SGCZ: variants seen among roughly 807,000 people sequenced by gnomAD.
SGCZ encodes the protein sarcoglycan zeta, also known as zeta-sarcoglycan.
A neutral mutation model predicts 41.3 loss-of-function variants in SGCZ; 40 were observed. The ratio of observed to expected loss-of-function variants is 0.97; its 90% CI spans 0.75 to 1.26. The LOEUF (loss-of-function observed/expected upper bound fraction) is 1.26, where lower values mean the gene tolerates loss of function less well. SGCZ is among the 50% of genes most tolerant of loss of function. SGCZ has a pLI of 0.00. For synonymous variants in SGCZ, 206 were observed against 137.5 expected, an observed-to-expected ratio of 1.50 and a Z score of -3.49; for missense variants, 552 against 369.8, an observed-to-expected ratio of 1.49 and a Z score of -4.04.
intron 1 of SGCZ, among the ~76,000 whole-genome samples, chr8:15,042,674 A>T (rs962018714): frequency 6.6e-6 from 1 of 152,152 alleles, no homozygotes; most frequent in African/African-American, 2.4e-5. Context: ...AATAAACTAG[A>T]TATTTGCTGT....
chr8:14,224,359 G>C (rs138550122), intron 4 of SGCZ, among the ~76,000 whole-genome samples: 96 of 152,306 alleles, frequency 6.3e-4, no homozygotes, highest in African/African-American at 2.2e-3. Flanking sequence ...GATAAGATTA[G>C]TACCAGGTAC....
chr8:15,113,203 G>A (rs1218910658), intron 1 of SGCZ, among the ~76,000 whole-genome samples: 1 of 98,182 alleles, frequency 1.0e-5, no homozygotes, highest in African/African-American at 3.9e-5. Context: ...AGCGAGACCT[G>A]GCTCAAAAAA....
In SGCZ at chr8:14,089,676, C is replaced by T. The variant is rs1801626769; in HGVS notation, c.*767G>A. 1.3e-5 allele frequency among the ~76,000 whole-genome samples: 2 copies of T among 152,008 alleles called. No homozygotes were observed. Among genetic ancestry groups the T allele is most frequent in the Admixed American group, 1.3e-4 (2 of 15,218 alleles). ...GATGTTTTGTTAAAAGCAAATACGT[C>T]ACATGCAGTAGCCATGTAAATACTA... On this transcript the variant is annotated 3_prime_UTR_variant, in exon 8 of 8. Coordinates refer to ENST00000382080, the MANE Select transcript of SGCZ (RefSeq NM_139167.4).
At chr8:14,493,810 T>C (rs1039985115) in intron 2 of SGCZ, among the ~76,000 whole-genome samples, 1 of 152,140 alleles carries the variant, frequency 6.6e-6, no homozygotes, top group African/African-American at 2.4e-5. Flanking sequence ...GTAACTTTCC[T>C]CCGTAGTGGG....
In SGCZ at chr8:14,519,067, T is replaced by TAAAAAA. The variant is rs58653228; in HGVS notation, c.234+35659_234+35664dup. Among the ~76,000 whole-genome samples the TAAAAAA allele has an allele frequency of 5.0e-4, 57 of 113,584 alleles. 1 individual carries two copies. In the East Asian group the frequency reaches 9.2e-3, roughly 18 times the overall value. The allele number at this position is 113,584 out of a possible 152,430, so 74.5% of individuals were successfully genotyped here. A position where few individuals can be genotyped will look rare whatever the true frequency, so the allele number is the denominator to read the frequency against. ...CTGAGCAAGACAGTCAGACTCTGTC[T>TAAAAAA]AAAAAAAAAAAAAAAAAAGACAGAG... On this transcript the variant is annotated intron_variant, in intron 2 of 7. Coordinates refer to ENST00000382080, the MANE Select transcript of SGCZ (RefSeq NM_139167.4).
intron 3 of SGCZ, among the ~76,000 whole-genome samples, chr8:14,303,490 C>T (rs1017211130): frequency 1.3e-5 from 2 of 152,042 alleles, no homozygotes; most frequent in African/African-American, 4.8e-5. Context: ...GACTAGAAGT[C>T]CTAGGATAAA....
chr8:14,227,041 T>G (rs1806396908), intron 4 of SGCZ, among the ~76,000 whole-genome samples: 1 of 152,018 alleles, frequency 6.6e-6, no homozygotes, highest in Admixed American at 6.6e-5. Flanking sequence ...ATTTACTGAT[T>G]CAATTAGTAG....
At chr8:14,967,736 T>C (rs2130860199) in intron 1 of SGCZ, among the ~76,000 whole-genome samples, 1 of 152,256 alleles carries the variant, frequency 6.6e-6, no homozygotes, top group East Asian at 1.9e-4. Flanking sequence ...GAACCATGCC[T>C]GATTTTACTT....
chr8:14,441,446 G>A (rs929264821), intron 2 of SGCZ, among the ~76,000 whole-genome samples: 6 of 152,188 alleles, frequency 3.9e-5, no homozygotes, highest in Admixed American at 2.6e-4. Flanking sequence ...GTGGTGGCAC[G>A]CACGGGTAAT....
At chr8:14,785,534 C>G (rs2130450410) in intron 1 of SGCZ, among the ~76,000 whole-genome samples, 1 of 152,172 alleles carries the variant, frequency 6.6e-6, no homozygotes, top group Non-Finnish European at 1.5e-5. Context: ...TGAAACTTCC[C>G]TAATGCTTCA....
chr8:14,551,027 G>A (rs1404740941), intron 2 of SGCZ, among the ~76,000 whole-genome samples: 1 of 151,406 alleles, frequency 6.6e-6, no homozygotes, highest in African/African-American at 2.4e-5. Context: ...TATTACCCAG[G>A]TCTGGGTATT....
intron 1 of SGCZ, among the ~76,000 whole-genome samples, chr8:14,892,221 A>G (rs993813845): frequency 3.3e-5 from 5 of 152,166 alleles, no homozygotes; most frequent in African/African-American, 1.2e-4. Flanking sequence ...CCAATTACCA[A>G]ACACGCCCTA....
At chr8:14,856,944 G>T in intron 1 of SGCZ, among the ~76,000 whole-genome samples, 1 of 152,108 alleles carries the variant, frequency 6.6e-6, no homozygotes, top group East Asian at 1.9e-4. Flanking sequence ...CATATGGTTT[G>T]GATCCGTGTC....
intron 1 of SGCZ, among the ~76,000 whole-genome samples, chr8:14,823,044 A>G (rs1257606894): frequency 2.2e-5 from 3 of 134,728 alleles, no homozygotes; most frequent in African/African-American, 8.9e-5. Context: ...ATGAAGCCAC[A>G]CCAATCCTCA....
At position 14,723,705 on chromosome 8, in the gene SGCZ, T is replaced by C. The variant is rs187378412; in HGVS notation, c.40-168779A>G. Among the ~76,000 whole-genome samples, 131 of 152,218 alleles carry C rather than the reference T, an allele frequency of 8.6e-4. 2 individuals are homozygous for C. In the Middle Eastern group the frequency reaches 0.027, roughly 32 times the overall value. On this transcript the variant is annotated intron_variant, in intron 1 of 7. Transcript: ENST00000382080. Reference sequence around the variant, plus strand: ...ATATGTCTGTGTCTATGCATATATATGCATACATATGTCTATATAGTGCAT... The same window carrying C: ...ATATGTCTGTGTCTATGCATATATACGCATACATATGTCTATATAGTGCAT...
At chr8:14,735,606 C>G (rs1799005772) in intron 1 of SGCZ, among the ~76,000 whole-genome samples, 1 of 152,292 alleles carries the variant, frequency 6.6e-6, no homozygotes, top group Non-Finnish European at 1.5e-5. Context: ...GCCTGAGCCA[C>G]TAATGGCCTC....
At chr8:14,707,685 A>T (rs184212114) in intron 1 of SGCZ, among the ~76,000 whole-genome samples, 12 of 152,250 alleles carry the variant, frequency 7.9e-5, no homozygotes, top group Admixed American at 1.3e-4. Flanking sequence ...TCTAGCCATT[A>T]CACAGCATTT....
At chr8:14,305,237 T>C (rs987753272) in intron 3 of SGCZ, among the ~76,000 whole-genome samples, 2 of 152,142 alleles carry the variant, frequency 1.3e-5, no homozygotes, top group Non-Finnish European at 2.9e-5. Flanking sequence ...CAACAAAACA[T>C]GAATTCAAAA....
At chr8:14,662,196 A>G (rs762270314) in intron 1 of SGCZ, among the ~76,000 whole-genome samples, 1 of 152,080 alleles carries the variant, frequency 6.6e-6, no homozygotes, top group Non-Finnish European at 1.5e-5. Flanking sequence ...TTATTGATCT[A>G]TTACAGTCTC....
Sources: allele counts gnomAD v4.1 joint callset (sites outside exome capture counted in the v4.1 genomes callset), GRCh38; gene constraint gnomAD v4.1.1; transcripts MANE v1.5; gene names NCBI Gene and HGNC (gene_info 2026-07-23, HGNC 2026-07-21).